The following PABPC4L variants were observed in gnomAD, a reference collection of about 807,000 sequenced individuals.
PABPC4L encodes poly(A) binding protein cytoplasmic 4 like.
For missense variants in PABPC4L, 452 were observed against 451.4 expected (o/e 1.00, Z -0.01); for synonymous variants, 169 against 164.1 (o/e 1.03, Z -0.23).
intron 1 of PABPC4L, 42 bp from the exon 2 acceptor site, chr4:134,201,287 T>C (rs1729874290): frequency 2.1e-6 from 3 of 1,428,468 alleles, no homozygotes; most frequent in South Asian, 1.3e-5. Flanking sequence ...AAGACGTTCC[T>C]TCCCCTCAGA....
At chr4:134,029,165 C>G in the PABPC4L span, among the ~76,000 whole-genome samples, 1 of 152,074 alleles carries the variant, frequency 6.6e-6, no homozygotes, top group Non-Finnish European at 1.5e-5. Flanking sequence ...ATTTAACAAC[C>G]AGCATGCTAT....
At chr4:134,133,386 TATA>T in the PABPC4L span, among the ~76,000 whole-genome samples, 2 of 143,572 alleles carry the variant, frequency 1.4e-5, no homozygotes, top group African/African-American at 5.1e-5. Flanking sequence ...ATACATAATA[TATA>T]ATAATAAATA....
the PABPC4L span, among the ~76,000 whole-genome samples, chr4:134,089,090 CAAAG>C: frequency 2.0e-5 from 3 of 151,806 alleles, no homozygotes; most frequent in African/African-American, 7.3e-5. Flanking sequence ...GTTGTAGTAA[CAAAG>C]AAAAAGTAAG....
chr4:134,060,562 T>G, the PABPC4L span, among the ~76,000 whole-genome samples: 3 of 151,758 alleles, frequency 2.0e-5, no homozygotes, highest in South Asian at 6.2e-4. Context: ...TTCCATGCCC[T>G]AGATCCAAGA....
chr4:133,989,246 C>A, the PABPC4L span, among the ~76,000 whole-genome samples: 11 of 152,068 alleles, frequency 7.2e-5, no homozygotes, highest in African/African-American at 1.9e-4. Flanking sequence ...TCTTAAATTT[C>A]TCCTCAGAAA....
chr4:134,093,161 CTT>C, the PABPC4L span, among the ~76,000 whole-genome samples: 1 of 145,668 alleles, frequency 6.9e-6, no homozygotes, highest in Admixed American at 6.9e-5. Context: ...TTTTATGTAT[CTT>C]TTTTTTTTGC....
At chr4:133,972,154 A>G in the PABPC4L span, among the ~76,000 whole-genome samples, 4 of 152,144 alleles carry the variant, frequency 2.6e-5, no homozygotes, top group African/African-American at 9.7e-5. Flanking sequence ...TTAGATCCAG[A>G]TGGAGCTCCT....
the PABPC4L span, among the ~76,000 whole-genome samples, chr4:134,052,024 AT>A: frequency 6.6e-6 from 1 of 152,056 alleles, no homozygotes; most frequent in Non-Finnish European, 1.5e-5. Context: ...AAAAACAATA[AT>A]ACAATCATTA....
the PABPC4L span, among the ~76,000 whole-genome samples, chr4:134,039,591 CT>C: frequency 1.3e-5 from 2 of 151,902 alleles, no homozygotes; most frequent in African/African-American, 2.4e-5. Flanking sequence ...TTCTTTGTGT[CT>C]TTTGATCTTT....
chr4:134,177,012 G>A, the PABPC4L span, among the ~76,000 whole-genome samples: 2 of 151,994 alleles, frequency 1.3e-5, no homozygotes, highest in Non-Finnish European at 1.5e-5. Context: ...ACTTGGAGCA[G>A]TGAGATTGTT....
At chr4:134,087,009 G>T in the PABPC4L span, among the ~76,000 whole-genome samples, 11 of 146,548 alleles carry the variant, frequency 7.5e-5, no homozygotes, top group South Asian at 2.4e-3. Flanking sequence ...GTGTCCATGT[G>T]ATCTCATTCT....
chr4:134,072,458 T>C, the PABPC4L span, among the ~76,000 whole-genome samples: 1 of 152,186 alleles, frequency 6.6e-6, no homozygotes, highest in Admixed American at 6.5e-5. Flanking sequence ...AGGGATACCT[T>C]GTCAATTTTA....
At chr4:134,075,864 A>C in the PABPC4L span, among the ~76,000 whole-genome samples, 1 of 152,166 alleles carries the variant, frequency 6.6e-6, no homozygotes, top group Admixed American at 6.6e-5. Flanking sequence ...GCAAGCATGT[A>C]TCCATTGATT....
chr4:134,103,828 G>A, the PABPC4L span, among the ~76,000 whole-genome samples: 3 of 151,800 alleles, frequency 2.0e-5, no homozygotes, highest in East Asian at 5.8e-4. Flanking sequence ...TACATGGAGG[G>A]AGAAATCAAT....
the PABPC4L span, among the ~76,000 whole-genome samples, chr4:134,115,552 G>A: frequency 6.6e-6 from 1 of 151,854 alleles, no homozygotes; most frequent in Admixed American, 6.6e-5. Flanking sequence ...TCAGGTACCA[G>A]TGAGAGTCAG....
chr4:134,163,831 G>T, the PABPC4L span, among the ~76,000 whole-genome samples: 1 of 152,112 alleles, frequency 6.6e-6, no homozygotes, highest in South Asian at 2.1e-4. Context: ...CTTAGGTATA[G>T]AACATACATA....
chr4:134,178,576 A>C, the PABPC4L span, among the ~76,000 whole-genome samples: 1 of 152,090 alleles, frequency 6.6e-6, no homozygotes, highest in African/African-American at 2.4e-5. Context: ...TAGAATTCAG[A>C]ATAAGAACAG....
chr4:133,999,558 AT>A, the PABPC4L span, among the ~76,000 whole-genome samples: 1 of 152,048 alleles, frequency 6.6e-6, no homozygotes. Context: ...CAAATTTTTT[AT>A]GTTATTGTAG....
At chr4:134,182,430 C>T in the PABPC4L span, among the ~76,000 whole-genome samples, 5 of 151,870 alleles carry the variant, frequency 3.3e-5, no homozygotes, top group Admixed American at 6.6e-5. Flanking sequence ...CCTTTCCTTA[C>T]GTCATATACA....
Sources: allele counts gnomAD v4.1 joint callset (sites outside exome capture counted in the v4.1 genomes callset), GRCh38; gene constraint gnomAD v4.1.1; transcripts MANE v1.5; gene names NCBI Gene and HGNC (gene_info 2026-07-23, HGNC 2026-07-21).